SYT1: variants seen among roughly 807,000 people sequenced by gnomAD.
SYT1 encodes the protein synaptotagmin 1.
In SYT1, 8 loss-of-function variants were observed where a neutral mutation model predicts 44.8. The ratio of observed to expected loss-of-function variants is 0.18; its 90% CI spans 0.10 to 0.32. The LOEUF (loss-of-function observed/expected upper bound fraction) is 0.32. Among genes scored for constraint, SYT1 ranks in the 10% least tolerant of loss-of-function variants. The probability of loss-of-function intolerance (pLI) is 1.00; values close to 1 mark genes in which losing one functional copy is unlikely to be tolerated. For missense variants in SYT1, 286 were observed against 509.3 expected, an observed-to-expected ratio of 0.56 and a Z score of 4.22; for synonymous variants, 154 against 188.8, an observed-to-expected ratio of 0.82 and a Z score of 1.51.
At position 79,365,834 on chromosome 12, in the gene SYT1, G is replaced by GAAA. The variant is rs57702061; in HGVS notation, c.928+12229_928+12231dup. The stretch of plus-strand genomic sequence containing the variant: ...CCTAGACTGATTGCAAAGAGTACCA[G>GAAA]AAAAAAAAAAAAAAAAGCAGGTCAT... On this transcript the variant is annotated intron_variant, in intron 9 of 10. Coordinates refer to ENST00000261205, the MANE Select transcript of SYT1 (RefSeq NM_005639.3). 9.6e-5 allele frequency among the ~76,000 whole-genome samples: 10 copies of GAAA among 104,124 alleles called. 1 individual carries two copies. In the East Asian group the frequency reaches 2.1e-3, roughly 22 times the overall value. 68.3% of individuals were successfully genotyped at this position (104,124 alleles called of 152,430 possible). A position where few individuals can be genotyped will look rare whatever the true frequency, so the allele number is the denominator to read the frequency against.
chr12:78,966,692 T>G (rs941818315), intron 1 of SYT1, among the ~76,000 whole-genome samples: 3 of 152,186 alleles, frequency 2.0e-5, no homozygotes, highest in Non-Finnish European at 4.4e-5. Flanking sequence ...ATTCAAAAAT[T>G]CAGGCATGTG....
intron 9 of SYT1, among the ~76,000 whole-genome samples, chr12:79,371,826 T>C (rs1026227068): frequency 4.6e-5 from 7 of 152,192 alleles, no homozygotes; most frequent in South Asian, 2.1e-4. Flanking sequence ...CCTCCTTTTT[T>C]AGTTTGGTAA....
At chr12:79,398,356 C>A (rs1884949348) in intron 9 of SYT1, among the ~76,000 whole-genome samples, 1 of 152,132 alleles carries the variant, frequency 6.6e-6, no homozygotes, top group African/African-American at 2.4e-5. Flanking sequence ...CTTAAAATAT[C>A]TTCTGAATTA....
At chr12:78,950,968 T>C (rs1468387624) in intron 1 of SYT1, among the ~76,000 whole-genome samples, 2 of 152,058 alleles carry the variant, frequency 1.3e-5, no homozygotes, top group African/African-American at 4.8e-5. Flanking sequence ...TAAATACAAA[T>C]TGACATCACC....
At chr12:78,958,212 A>G (rs1428866241) in intron 1 of SYT1, among the ~76,000 whole-genome samples, 1 of 152,170 alleles carries the variant, frequency 6.6e-6, no homozygotes, top group Non-Finnish European at 1.5e-5. Flanking sequence ...TGCACACAAG[A>G]GCTGTCACTT....
chr12:79,310,459 C>T lies in SYT1; in HGVS notation c.810+10908C>T, dbSNP rs546368533. Among the ~76,000 whole-genome samples, 1,102 of 152,204 alleles carry T rather than the reference C, an allele frequency of 7.2e-3. 14 individuals are homozygous for T. The highest frequency in any genetic ancestry group is 0.025 in the African/African-American group (1,052 of 41,514). On this transcript the variant is annotated intron_variant, in intron 8 of 10. Coordinates refer to ENST00000261205, the MANE Select transcript of SYT1 (RefSeq NM_005639.3). The stretch of plus-strand genomic sequence containing the variant: ...TTGAAGTCAGGTAGTGTGATTCCTC[C>T]AGCTTTGTTCTTTTGGCTTAGGATT...
intron 3 of SYT1, among the ~76,000 whole-genome samples, chr12:79,055,913 C>T (rs1412724706): frequency 6.6e-6 from 1 of 151,898 alleles, no homozygotes; most frequent in Non-Finnish European, 1.5e-5. Flanking sequence ...CAATGATGGA[C>T]TGCATATATA....
At chr12:79,010,463 C>T (rs529727311) in intron 2 of SYT1, among the ~76,000 whole-genome samples, 1 of 152,258 alleles carries the variant, frequency 6.6e-6, no homozygotes, top group Non-Finnish European at 1.5e-5. Flanking sequence ...GTATTTCCTA[C>T]TGCCTCCCTT....
At chr12:79,042,012 C>A (rs1475691249) in intron 2 of SYT1, among the ~76,000 whole-genome samples, 2 of 151,438 alleles carry the variant, frequency 1.3e-5, no homozygotes, top group Admixed American at 1.3e-4. Context: ...TGATGTGCTG[C>A]TGGATTCGTT....
chr12:79,094,471 A>G (rs902215728), intron 3 of SYT1, among the ~76,000 whole-genome samples: 1 of 151,908 alleles, frequency 6.6e-6, no homozygotes, highest in Non-Finnish European at 1.5e-5. Context: ...TACAACTTGC[A>G]CCATACATGC....
chr12:78,994,898 T>A (rs1446192805), intron 2 of SYT1, among the ~76,000 whole-genome samples: 1 of 152,144 alleles, frequency 6.6e-6, no homozygotes, highest in East Asian at 1.9e-4. Flanking sequence ...TTCTGTTTTT[T>A]GTTTTTTTTC....
At chr12:79,161,671 G>C (rs972571474) in intron 3 of SYT1, among the ~76,000 whole-genome samples, 6 of 152,214 alleles carry the variant, frequency 3.9e-5, no homozygotes, top group African/African-American at 1.4e-4. Context: ...TACAACTGAA[G>C]AACATCTGAG....
intron 1 of SYT1, among the ~76,000 whole-genome samples, chr12:78,902,971 A>C (rs1220977435): frequency 3.3e-5 from 5 of 152,136 alleles, no homozygotes; most frequent in African/African-American, 1.2e-4. Flanking sequence ...TAACTATTCA[A>C]ACTCTACTAA....
At chr12:78,938,946 C>G (rs1221264813) in intron 1 of SYT1, among the ~76,000 whole-genome samples, 1 of 152,094 alleles carries the variant, frequency 6.6e-6, no homozygotes, top group Admixed American at 6.6e-5. Flanking sequence ...TAATGCTATT[C>G]TTTGTTCATC....
intron 1 of SYT1, among the ~76,000 whole-genome samples, chr12:78,971,145 C>A (rs1868370432): frequency 6.6e-6 from 1 of 152,126 alleles, no homozygotes; most frequent in Non-Finnish European, 1.5e-5. Flanking sequence ...GCCTGGGCAA[C>A]AGAGTGAGAC....
rs1462021152 is a variant in SYT1, at chr12:79,308,612, A to AAGAAAGAAAGAAAG, written c.810+9062_810+9063insGAAAGAAAGAAAGA. On this transcript the variant is annotated intron_variant, in intron 8 of 10. Coordinates refer to ENST00000261205, the MANE Select transcript of SYT1 (RefSeq NM_005639.3). ...GAAAGAAGAAAGAAAGAAAGAAAGAAAAAGAAAGAAAGAAAGAAAGAAAGA... is the reference window on the plus strand; with the variant it reads ...GAAAGAAGAAAGAAAGAAAGAAAGAAAGAAAGAAAGAAAGAAAGAAAGAAAGAAAGAAAGAAAGA... 1.1e-3 allele frequency among the ~76,000 whole-genome samples: 154 copies of AAGAAAGAAAGAAAG among 134,306 alleles called. 1 individual carries two copies. Among genetic ancestry groups the AAGAAAGAAAGAAAG allele is most frequent in the Middle Eastern group, 3.7e-3 (1 of 270 alleles). The allele number at this position is 134,306 out of a possible 152,430, so 88.1% of individuals were successfully genotyped here.
intron 9 of SYT1, among the ~76,000 whole-genome samples, chr12:79,430,212 G>A (rs1869696844): frequency 6.6e-6 from 1 of 152,150 alleles, no homozygotes; most frequent in Non-Finnish European, 1.5e-5. Flanking sequence ...TGTACTCCCT[G>A]ACTATAAAGC....
At chr12:79,361,717 A>T (rs571651581) in intron 9 of SYT1, among the ~76,000 whole-genome samples, 30 of 152,330 alleles carry the variant, frequency 2.0e-4, no homozygotes, top group African/African-American at 6.5e-4. Context: ...TTAGTGACTT[A>T]TTCTTCACAC....
chr12:79,338,817 C>T (rs1166400005), intron 8 of SYT1, among the ~76,000 whole-genome samples: 2 of 151,964 alleles, frequency 1.3e-5, no homozygotes, highest in African/African-American at 2.4e-5. Context: ...CTATCCCTCC[C>T]CCATCCCCCG....
Sources: allele counts gnomAD v4.1 joint callset (sites outside exome capture counted in the v4.1 genomes callset), GRCh38; gene constraint gnomAD v4.1.1; transcripts MANE v1.5; gene names NCBI Gene and HGNC (gene_info 2026-07-23, HGNC 2026-07-21).